Variants in ANKRD55 observed in about 807,000 individuals in gnomAD.
The protein encoded by ANKRD55 is ankyrin repeat domain-containing protein 55.
In ANKRD55, 41 loss-of-function variants were observed where a neutral mutation model predicts 60.6. The observed-to-expected ratio is 0.68, with a 90% CI of 0.53 to 0.88. The LOEUF (loss-of-function observed/expected upper bound fraction) is 0.88. Ranked by LOEUF, ANKRD55 falls within the 40% of genes least tolerant of loss-of-function variation. ANKRD55 has a pLI of 0.00. For synonymous variants in ANKRD55, 264 were observed against 290.3 expected, an observed-to-expected ratio of 0.91 and a Z score of 0.92; for missense variants, 732 against 767.6, an observed-to-expected ratio of 0.95 and a Z score of 0.55.
chr5:56,227,899 A>G (rs966406705), intron 2 of ANKRD55, among the ~76,000 whole-genome samples: 11 of 152,182 alleles, frequency 7.2e-5, no homozygotes, highest in Non-Finnish European at 1.6e-4. Flanking sequence ...TCTTGTCAAT[A>G]TGTATCCATG....
chr5:56,123,230 C>G (rs550493251), intron 8 of ANKRD55, among the ~76,000 whole-genome samples: 1 of 152,144 alleles, frequency 6.6e-6, no homozygotes, highest in Admixed American at 6.5e-5. Flanking sequence ...CAGGTGGTCT[C>G]TCAGGCCTGG....
chr5:56,224,626 T>A (rs966101231), intron 2 of ANKRD55, among the ~76,000 whole-genome samples: 1 of 151,348 alleles, frequency 6.6e-6, no homozygotes, highest in African/African-American at 2.4e-5. Flanking sequence ...ATCAAACAGA[T>A]GCAATAAAAA....
intron 2 of ANKRD55, among the ~76,000 whole-genome samples, chr5:56,192,256 G>A (rs532931830): frequency 6.6e-6 from 1 of 152,336 alleles, no homozygotes; most frequent in East Asian, 1.9e-4. Flanking sequence ...CATAAAGAGA[G>A]ATTCCAGAAT....
At chr5:56,152,911 GA>G (rs1414197859) in intron 6 of ANKRD55, among the ~76,000 whole-genome samples, 1 of 151,856 alleles carries the variant, frequency 6.6e-6, no homozygotes, top group African/African-American at 2.4e-5. Flanking sequence ...GACATCAAAA[GA>G]AAAAGCAGAA....
chr5:56,169,716 C>A (rs548433232), intron 5 of ANKRD55, among the ~76,000 whole-genome samples: 88 of 152,132 alleles, frequency 5.8e-4, no homozygotes, highest in Admixed American at 2.4e-3. Flanking sequence ...GGCTCCTCAA[C>A]CCAGACAGGG....
intron 6 of ANKRD55, among the ~76,000 whole-genome samples, chr5:56,159,027 T>C (rs1758259886): frequency 6.6e-6 from 1 of 151,952 alleles, no homozygotes; most frequent in South Asian, 2.1e-4. Flanking sequence ...TTTTTTTTCT[T>C]CAGAGAGGGG....
At chr5:56,142,095 C>T (rs1008473051) in intron 7 of ANKRD55, among the ~76,000 whole-genome samples, 2 of 152,040 alleles carry the variant, frequency 1.3e-5, no homozygotes, top group African/African-American at 2.4e-5. Context: ...TTTGGGAGGC[C>T]GAGCGGGGCA....
intron 3 of ANKRD55, among the ~76,000 whole-genome samples, chr5:56,178,224 C>G (rs1208183549): frequency 2.0e-5 from 3 of 149,276 alleles, no homozygotes; most frequent in African/African-American, 4.9e-5. Context: ...GCATCTTGCT[C>G]TGTTGCCCAG....
chr5:56,232,536 T>C (rs1342947496), intron 2 of ANKRD55, among the ~76,000 whole-genome samples: 1 of 152,182 alleles, frequency 6.6e-6, no homozygotes, highest in African/African-American at 2.4e-5. Flanking sequence ...CTATCTGAAA[T>C]AGTTGGTGTG....
At chr5:56,207,705 T>C (rs1385350296) in intron 2 of ANKRD55, among the ~76,000 whole-genome samples, 1 of 152,210 alleles carries the variant, frequency 6.6e-6, no homozygotes, top group African/African-American at 2.4e-5. Context: ...TACACTAGTG[T>C]AGGGCACATA....
chr5:56,108,629 G>T (rs1386005742), intron 10 of ANKRD55, among the ~76,000 whole-genome samples: 3 of 152,180 alleles, frequency 2.0e-5, no homozygotes. Context: ...TACTTCAAAG[G>T]CTTCAGGCAC....
chr5:56,144,955 G>A (rs1346908917), intron 6 of ANKRD55, among the ~76,000 whole-genome samples: 2 of 152,166 alleles, frequency 1.3e-5, no homozygotes, highest in East Asian at 3.9e-4. Context: ...CAAAGGGCAT[G>A]GGCAGCTTTG....
chr5:56,221,702 C>T (rs1359876285), intron 2 of ANKRD55, among the ~76,000 whole-genome samples: 7 of 152,360 alleles, frequency 4.6e-5, no homozygotes, highest in South Asian at 2.1e-4. Context: ...GATTATATCC[C>T]GTGCCTAGCT....
chr5:56,160,364 G>C (rs982064121), intron 5 of ANKRD55, among the ~76,000 whole-genome samples: 1 of 152,086 alleles, frequency 6.6e-6, no homozygotes, highest in Admixed American at 6.6e-5. Context: ...TCAGCCTCCC[G>C]AGTAGCTGGG....
intron 2 of ANKRD55, among the ~76,000 whole-genome samples, chr5:56,211,664 G>A (rs1199959727): frequency 6.6e-6 from 1 of 152,174 alleles, no homozygotes; most frequent in Non-Finnish European, 1.5e-5. Context: ...GGTGCTGGAT[G>A]GACATTCCAC....
rs552782886 is a variant in ANKRD55 at position 56,225,525 on chromosome 5, G to A, written c.58+7331C>T. 5.3e-5 allele frequency among the ~76,000 whole-genome samples: 8 copies of A among 152,228 alleles called. No individual in the cohort carries two copies. The South Asian group carries it at 1.7e-3, about 32-fold the overall frequency. ...AAATAAATAAAGAGTATTCAATTAG[G>A]AAAACAGGAAGTCAAATTGTCTCTG... On this transcript the variant is annotated intron_variant, in intron 2 of 11. Coordinates refer to ENST00000341048, the MANE Select transcript of ANKRD55 (RefSeq NM_024669.3).
chr5:56,153,833 C>T (rs1012871439), intron 6 of ANKRD55, among the ~76,000 whole-genome samples: 2 of 149,650 alleles, frequency 1.3e-5, no homozygotes, highest in East Asian at 2.0e-4. Context: ...GACTCCATCT[C>T]GAAAAAAACA....
At chr5:56,104,268 A>T (rs1355084962) in intron 10 of ANKRD55, among the ~76,000 whole-genome samples, 2 of 152,006 alleles carry the variant, frequency 1.3e-5, no homozygotes, top group Non-Finnish European at 2.9e-5. Flanking sequence ...TATCATCCTC[A>T]TTTTACAAAT....
At chr5:56,215,367 C>T (rs576429202) in intron 2 of ANKRD55, among the ~76,000 whole-genome samples, 4 of 152,324 alleles carry the variant, frequency 2.6e-5, no homozygotes, top group Admixed American at 2.0e-4. Context: ...GGGCAGACTG[C>T]CATGGAGACT....
Sources: allele counts gnomAD v4.1 joint callset (sites outside exome capture counted in the v4.1 genomes callset), GRCh38; gene constraint gnomAD v4.1.1; transcripts MANE v1.5; gene names NCBI Gene and HGNC (gene_info 2026-07-23, HGNC 2026-07-21).